Variants in PDE4B observed in about 807,000 individuals in gnomAD.
PDE4B encodes 3',5'-cyclic-AMP phosphodiesterase 4B.
PDE4B carries 20 observed loss-of-function variants against 82.2 expected under a neutral mutation model. The ratio of observed to expected loss-of-function variants is 0.24; its 90% CI spans 0.17 to 0.35. The LOEUF is 0.35. Ranked by LOEUF, PDE4B falls within the 10% of genes least tolerant of loss-of-function variation. PDE4B has a pLI of 1.00. For missense variants in PDE4B, 655 were observed against 907.2 expected (o/e 0.72, Z 3.57); for synonymous variants, 320 against 318.9 (o/e 1.00, Z -0.04).
chr1:66,258,977 C>A (rs1357556364), intron 6 of PDE4B, among the ~76,000 whole-genome samples: 1 of 152,128 alleles, frequency 6.6e-6, no homozygotes, highest in Non-Finnish European at 1.5e-5. Context: ...CAGCTTGAGG[C>A]ATTTCAGTGG....
At chr1:66,196,702 C>G (rs1027778152) in intron 3 of PDE4B, among the ~76,000 whole-genome samples, 3 of 151,066 alleles carry the variant, frequency 2.0e-5, no homozygotes, top group Non-Finnish European at 4.4e-5. Context: ...AGTAAACTAT[C>G]GCAAGAACAA....
Position 65,919,952 on chromosome 1 carries a change from C to T in PDE4B, c.281+1117C>T, listed in dbSNP as rs144340260. 6.9e-3 allele frequency among the ~76,000 whole-genome samples: 1,049 copies of T among 152,282 alleles called. 12 individuals carry two copies. Among genetic ancestry groups the T allele is most frequent in the African/African-American group, 0.023 (957 of 41,546 alleles). On this transcript the variant is annotated intron_variant, in intron 3 of 16. Coordinates refer to ENST00000341517, the MANE Select transcript of PDE4B (RefSeq NM_002600.4). ...TGTGTGATAGAGAATCATGCTAAAA[C>T]ATTTTAAAGAAAATGGGTTAAAAAT...
intron 3 of PDE4B, among the ~76,000 whole-genome samples, chr1:65,990,652 C>G (rs1405154314): frequency 6.6e-6 from 1 of 152,114 alleles, no homozygotes; most frequent in African/African-American, 2.4e-5. Context: ...TTAGAGCCTA[C>G]TTGAACAAAA....
At chr1:66,192,279 A>G (rs1647883984) in intron 3 of PDE4B, among the ~76,000 whole-genome samples, 1 of 152,148 alleles carries the variant, frequency 6.6e-6, no homozygotes. Context: ...TAATTTGATC[A>G]GTGACTTCTT....
chr1:66,252,759 G>A (rs763341475), intron 4 of PDE4B, among the ~76,000 whole-genome samples: 6 of 152,106 alleles, frequency 3.9e-5, no homozygotes, highest in Admixed American at 6.5e-5. Context: ...ACAACGTGGC[G>A]AAGCCCTGTC....
chr1:65,864,222 G>A (rs943120306), intron 1 of PDE4B, among the ~76,000 whole-genome samples: 5 of 151,852 alleles, frequency 3.3e-5, no homozygotes, highest in African/African-American at 9.7e-5. Context: ...AGTCATTTAT[G>A]TTCTTCTCTA....
intron 3 of PDE4B, among the ~76,000 whole-genome samples, chr1:66,185,750 A>T (rs545871417): frequency 2.2e-4 from 33 of 152,148 alleles, no homozygotes; most frequent in African/African-American, 7.2e-4. Context: ...TTGTCAGATG[A>T]GTAGATTGCA....
At chr1:66,136,889 A>G (rs973138410) in intron 3 of PDE4B, among the ~76,000 whole-genome samples, 2 of 152,074 alleles carry the variant, frequency 1.3e-5, no homozygotes, top group African/African-American at 4.8e-5. Flanking sequence ...TTACAGAGTA[A>G]AGAGGTCTAA....
chr1:65,840,620 G>C (rs1646196425), intron 1 of PDE4B, among the ~76,000 whole-genome samples: 1 of 152,142 alleles, frequency 6.6e-6, no homozygotes, highest in African/African-American at 2.4e-5. Context: ...CTATTTAAGG[G>C]CATGAGCCAT....
chr1:66,190,332 G>T (rs1570433530), intron 3 of PDE4B, among the ~76,000 whole-genome samples: 1 of 152,214 alleles, frequency 6.6e-6, no homozygotes, highest in East Asian at 1.9e-4. Flanking sequence ...CCAGCTGCGT[G>T]CTGGGAGAAC....
intron 3 of PDE4B, among the ~76,000 whole-genome samples, chr1:65,928,038 G>A (rs938888037): frequency 2.6e-5 from 4 of 152,148 alleles, no homozygotes; most frequent in African/African-American, 9.7e-5. Flanking sequence ...TCAGCTCAGA[G>A]CCAGTGTCCA....
At chr1:65,871,026 A>G (rs1050358250) in intron 1 of PDE4B, among the ~76,000 whole-genome samples, 1 of 152,166 alleles carries the variant, frequency 6.6e-6, no homozygotes, top group Non-Finnish European at 1.5e-5. Flanking sequence ...TATGATCAAC[A>G]TTGGAATCTT....
intron 3 of PDE4B, among the ~76,000 whole-genome samples, chr1:66,130,558 G>T (rs1232756466): frequency 6.6e-6 from 1 of 152,194 alleles, no homozygotes; most frequent in Admixed American, 6.5e-5. Context: ...AATGTTGGCA[G>T]TCAAAGCCTC....
intron 1 of PDE4B, among the ~76,000 whole-genome samples, chr1:65,832,865 T>C (rs891228524): frequency 7.2e-5 from 11 of 152,336 alleles, no homozygotes; most frequent in African/African-American, 2.6e-4. Context: ...TAGGTGGGTA[T>C]AAATAGTATA....
chr1:66,285,491 C>A (rs940794251), intron 7 of PDE4B, among the ~76,000 whole-genome samples: 1 of 151,996 alleles, frequency 6.6e-6, no homozygotes, highest in African/African-American at 2.4e-5. Context: ...AACTCTCACA[C>A]CCCCTTACCC....
intron 8 of PDE4B, among the ~76,000 whole-genome samples, chr1:66,334,109 T>G (rs1038261618): frequency 6.6e-6 from 1 of 152,170 alleles, no homozygotes; most frequent in Non-Finnish European, 1.5e-5. Context: ...AGACACTCTG[T>G]TCCCTGTATT....
chr1:65,878,738 G>A (rs1178779736), intron 1 of PDE4B, among the ~76,000 whole-genome samples: 1 of 151,966 alleles, frequency 6.6e-6, no homozygotes, highest in Non-Finnish European at 1.5e-5. Context: ...TTGGGGAGTC[G>A]GGGGAAAGGG....
intron 4 of PDE4B, 129 bp from the exon 5 acceptor site, chr1:66,257,518 T>C (rs370782919): frequency 1.2e-4 from 120 of 964,724 alleles, no homozygotes; most frequent in Non-Finnish European, 1.9e-4. Flanking sequence ...AGTCCTGTCT[T>C]ATATCCAGGT....
At chr1:65,833,982 T>C (rs1255451486) in intron 1 of PDE4B, among the ~76,000 whole-genome samples, 1 of 152,212 alleles carries the variant, frequency 6.6e-6, no homozygotes. Context: ...GGATATATTA[T>C]ATAATGATGT....
Sources: allele counts gnomAD v4.1 joint callset (sites outside exome capture counted in the v4.1 genomes callset), GRCh38; gene constraint gnomAD v4.1.1; transcripts MANE v1.5; gene names NCBI Gene and HGNC (gene_info 2026-07-23, HGNC 2026-07-21).